Variants in RBFOX1 observed in about 807,000 individuals in gnomAD.
RBFOX1 encodes RNA binding fox-1 homolog 1, also known as RNA binding protein fox-1 homolog 1.
A neutral mutation model predicts 57.7 loss-of-function variants in RBFOX1; 8 were observed. That is an observed-to-expected ratio of 0.14 (90% CI 0.08 to 0.25). The LOEUF is 0.25. Among genes scored for constraint, RBFOX1 ranks in the 10% least tolerant of loss-of-function variants. The pLI is 1.00. For missense variants in RBFOX1, 611 were observed against 548.5 expected (o/e 1.11, Z -1.14); for synonymous variants, 326 against 222.4 (o/e 1.47, Z -4.15).
chr16:7,189,281 C>A (rs540640237), intron 4 of RBFOX1, among the ~76,000 whole-genome samples: 1 of 151,774 alleles, frequency 6.6e-6, no homozygotes, highest in Non-Finnish European at 1.5e-5. Context: ...AAAAAATTAG[C>A]CGGGCGTGGT....
intron 14 of RBFOX1, among the ~76,000 whole-genome samples, chr16:7,695,864 T>C (rs2058181): frequency 0.98 from 148,988 of 152,190 alleles, 73,011 homozygotes; most frequent in East Asian, 1. Context: ...CAGTGTGGGG[T>C]TTGATGGATG....
intron 4 of RBFOX1, among the ~76,000 whole-genome samples, chr16:7,251,706 C>T (rs973069982): frequency 1.2e-4 from 19 of 152,272 alleles, no homozygotes; most frequent in African/African-American, 4.6e-4. Context: ...AGGCATGAGC[C>T]ACAGTGCCTG....
At chr16:5,358,537 C>G (rs1022006321) in intron 1 of RBFOX1, among the ~76,000 whole-genome samples, 2 of 152,070 alleles carry the variant, frequency 1.3e-5, no homozygotes, top group Non-Finnish European at 2.9e-5. Flanking sequence ...AACATTTATC[C>G]TTTGTGTTGC....
intron 2 of RBFOX1, among the ~76,000 whole-genome samples, chr16:6,563,067 GC>G (rs2097205751): frequency 6.6e-6 from 1 of 151,854 alleles, no homozygotes; most frequent in Non-Finnish European, 1.5e-5. Flanking sequence ...GGGGCAGGGG[GC>G]CATGGAGTAT....
At chr16:5,930,231 A>C (rs2059021061) in intron 4 of RBFOX1, among the ~76,000 whole-genome samples, 2 of 115,178 alleles carry the variant, frequency 1.7e-5, no homozygotes, top group African/African-American at 6.7e-5. Flanking sequence ...GGATGGATGG[A>C]TGGATGGATG....
chr16:5,353,933 G>A (rs2065323977), intron 1 of RBFOX1, among the ~76,000 whole-genome samples: 1 of 152,090 alleles, frequency 6.6e-6, no homozygotes. Context: ...ATCAGCCTGG[G>A]GCGGTGTAGT....
At chr16:5,674,730 G>A (rs1251371469) in intron 3 of RBFOX1, among the ~76,000 whole-genome samples, 5 of 152,174 alleles carry the variant, frequency 3.3e-5, no homozygotes, top group Non-Finnish European at 7.3e-5. Context: ...AGTTCTATTT[G>A]GTGATTTTCA....
At chr16:6,753,763 G>T (rs909536689) in intron 3 of RBFOX1, among the ~76,000 whole-genome samples, 4 of 152,104 alleles carry the variant, frequency 2.6e-5, no homozygotes, top group African/African-American at 9.7e-5. Flanking sequence ...GGATTTATGT[G>T]ATTCGTAGTG....
At chr16:5,467,910 C>CT (rs373534139) in intron 2 of RBFOX1, among the ~76,000 whole-genome samples, 72 of 152,240 alleles carry the variant, frequency 4.7e-4, no homozygotes, top group African/African-American at 1.6e-3. Flanking sequence ...AAGATAGCAT[C>CT]TTTTTATTAT....
chr16:6,305,586 G>C, intron 1 of RBFOX1, among the ~76,000 whole-genome samples: 1 of 150,604 alleles, frequency 6.6e-6, no homozygotes. Flanking sequence ...TTCAGCTTGG[G>C]AGGACTTCAA....
Position 6,019,425 on chromosome 16 carries a change from G to A in RBFOX1, c.-694G>A. 1 of 988,060 alleles carries A rather than the reference G, an allele frequency of 1.0e-6. No homozygotes were observed. The highest frequency in any genetic ancestry group is 1.2e-6 in the Non-Finnish European group (1 of 831,936). The allele number at this position is 988,060 out of a possible 1,614,324, so 61.2% of individuals were successfully genotyped here. ...CGGAGGGTGGCGGACGGCGGACGGAGCCCAGGGGCCGCGTCGGGTGGGGAA... is the reference window on the plus strand; with the variant it reads ...CGGAGGGTGGCGGACGGCGGACGGAACCCAGGGGCCGCGTCGGGTGGGGAA... On this transcript the variant is annotated 5_prime_UTR_variant, in exon 1 of 16. Transcript: ENST00000550418. This position sits in a 1 kb window ranked among gnomAD's most constrained non-coding sequence, Gnocchi z 4.2.
chr16:6,207,563 C>T (rs1489803240), intron 1 of RBFOX1, among the ~76,000 whole-genome samples: 2 of 152,116 alleles, frequency 1.3e-5, no homozygotes, highest in Non-Finnish European at 2.9e-5. Flanking sequence ...AAATTTTTCT[C>T]TTGGGCCCAA....
chr16:6,120,382 A>T (rs2152630655), intron 1 of RBFOX1, among the ~76,000 whole-genome samples: 1 of 152,270 alleles, frequency 6.6e-6, no homozygotes, highest in South Asian at 2.1e-4. Context: ...ACCCCATTTT[A>T]CATTTCCATC....
At chr16:5,584,737 C>T (rs1183490358) in intron 2 of RBFOX1, among the ~76,000 whole-genome samples, 5 of 152,120 alleles carry the variant, frequency 3.3e-5, no homozygotes, top group African/African-American at 4.8e-5. Flanking sequence ...GTTCTCATTG[C>T]ACCGGGGACT....
intron 2 of RBFOX1, among the ~76,000 whole-genome samples, chr16:6,571,363 T>G (rs1418340728): frequency 6.6e-6 from 1 of 152,144 alleles, no homozygotes; most frequent in Non-Finnish European, 1.5e-5. Context: ...AGGGCACATT[T>G]GAAACCTAGG....
intron 2 of RBFOX1, among the ~76,000 whole-genome samples, chr16:6,462,523 C>A (rs545879502): frequency 2.0e-5 from 3 of 152,124 alleles, no homozygotes; most frequent in Non-Finnish European, 4.4e-5. Flanking sequence ...TAGATTAATT[C>A]TTCGTTGGAT....
chr16:7,031,545 A>C (rs192484990), intron 3 of RBFOX1, among the ~76,000 whole-genome samples: 19 of 152,070 alleles, frequency 1.2e-4, no homozygotes, highest in Admixed American at 1.0e-3. Context: ...GCAGTGAGCC[A>C]AGCCAAGATC....
At chr16:5,847,068 G>A (rs541297943) in intron 3 of RBFOX1, among the ~76,000 whole-genome samples, 1 of 152,322 alleles carries the variant, frequency 6.6e-6, no homozygotes, top group South Asian at 2.1e-4. Flanking sequence ...TAGCTCTCTT[G>A]TAGCAGGGAA....
At chr16:6,346,232 C>T (rs1356704064) in intron 2 of RBFOX1, among the ~76,000 whole-genome samples, 2 of 152,004 alleles carry the variant, frequency 1.3e-5, no homozygotes, top group African/African-American at 4.8e-5. Flanking sequence ...ATAATGAGCC[C>T]AAAACAAGCA....
Sources: gnomAD v4.1 joint callset for allele counts (sites outside exome capture counted in the v4.1 genomes callset) on GRCh38, gnomAD v4.1.1 for gene constraint, Gnocchi (gnomAD v3.1) non-coding constraint, MANE v1.5 for transcripts, NCBI Gene and HGNC (gene_info 2026-07-23, HGNC 2026-07-21) for gene names.